Variants in ADGRL3 observed in about 807,000 individuals in gnomAD.
ADGRL3 encodes calcium-independent alpha-latrotoxin receptor 3.
ADGRL3 carries 62 observed loss-of-function variants against 153.5 expected under a neutral mutation model. The observed-to-expected ratio is 0.40, with a 90% CI of 0.33 to 0.50. ADGRL3 has a LOEUF of 0.50. ADGRL3 is among the 20% of genes least tolerant of loss of function. ADGRL3 has a pLI of 0.47. For missense variants in ADGRL3, 1,641 were observed against 1,859.4 expected (o/e 0.88, Z 2.16); for synonymous variants, 710 against 672.5 (o/e 1.06, Z -0.86).
At chr4:61,714,180 TTTG>T (rs765100070) in intron 6 of ADGRL3, among the ~76,000 whole-genome samples, 3 of 149,318 alleles carry the variant, frequency 2.0e-5, no homozygotes, top group Middle Eastern at 3.3e-3. Flanking sequence ...AAAAAGTTCT[TTTG>T]TTGTTGGAGA....
At chr4:61,751,846 T>C (rs990503170) in intron 8 of ADGRL3, among the ~76,000 whole-genome samples, 3 of 151,968 alleles carry the variant, frequency 2.0e-5, no homozygotes. Flanking sequence ...ATGGTGGAAA[T>C]GGTGAAAAGT....
intron 4 of ADGRL3, among the ~76,000 whole-genome samples, chr4:61,566,434 C>T (rs2098816546): frequency 6.6e-6 from 1 of 152,042 alleles, no homozygotes. Context: ...AATATAGAAA[C>T]TTGGAGGGAG....
intron 1 of ADGRL3, among the ~76,000 whole-genome samples, chr4:61,350,505 T>C (rs1418446566): frequency 6.6e-6 from 1 of 152,158 alleles, no homozygotes; most frequent in African/African-American, 2.4e-5. Flanking sequence ...ACTTCACAGA[T>C]ACCATGATTT....
intron 4 of ADGRL3, among the ~76,000 whole-genome samples, chr4:61,527,746 CT>C (rs1189755987): frequency 2.6e-5 from 4 of 152,216 alleles, no homozygotes; most frequent in East Asian, 1.9e-4. Context: ...AATGTATTCA[CT>C]TTTTTTCCAT....
intron 9 of ADGRL3, among the ~76,000 whole-genome samples, chr4:61,882,741 A>C (rs2122644): frequency 0.84 from 127,040 of 152,124 alleles, 53,196 homozygotes; most frequent in East Asian, 0.95. Flanking sequence ...AAGTTATTTA[A>C]CTCCCTCACT....
chr4:61,636,447 G>A (rs1222068881), intron 5 of ADGRL3, among the ~76,000 whole-genome samples: 1 of 152,092 alleles, frequency 6.6e-6, no homozygotes, highest in Non-Finnish European at 1.5e-5. Context: ...GGAGATAATG[G>A]AATAACATAT....
intron 8 of ADGRL3, among the ~76,000 whole-genome samples, chr4:61,808,886 G>A (rs1333568537): frequency 6.6e-6 from 1 of 151,434 alleles, no homozygotes; most frequent in African/African-American, 2.4e-5. Context: ...GTATGGTGTG[G>A]GTTCCCTCTT....
intron 6 of ADGRL3, among the ~76,000 whole-genome samples, chr4:61,723,363 G>A (rs1049268683): frequency 1.3e-5 from 2 of 152,060 alleles, no homozygotes; most frequent in African/African-American, 2.4e-5. Flanking sequence ...TTAATGACAC[G>A]GACACACGTG....
chr4:62,027,613 C>G (rs1290515958), intron 21 of ADGRL3, among the ~76,000 whole-genome samples: 1 of 151,872 alleles, frequency 6.6e-6, no homozygotes, highest in Non-Finnish European at 1.5e-5. Context: ...AATAAATTTA[C>G]TTACTCAACA....
chr4:61,389,035 CT>C (rs2151982012), intron 2 of ADGRL3, among the ~76,000 whole-genome samples: 1 of 152,252 alleles, frequency 6.6e-6, no homozygotes, highest in Admixed American at 6.5e-5. Flanking sequence ...TTATAGCATC[CT>C]TTTAATTTCT....
chr4:62,014,584 T>C (rs1420754768), intron 21 of ADGRL3, among the ~76,000 whole-genome samples: 1 of 152,180 alleles, frequency 6.6e-6, no homozygotes, highest in African/African-American at 2.4e-5. Flanking sequence ...TCATTAGCAA[T>C]AGAAAAGCCC....
chr4:61,627,385 G>A lies in ADGRL3; in HGVS notation c.473+39945G>A, dbSNP rs373445773. On this transcript the variant is annotated intron_variant, in intron 5 of 26. Coordinates refer to ENST00000683033, the MANE Select transcript of ADGRL3 (RefSeq NM_001387552.1). The stretch of plus-strand genomic sequence containing the variant: ...TCCCAACATTTTGGGAGGCAGAGGT[G>A]GGCGGATCACCTGAGGTCAGGAGTC... 3.3e-5 allele frequency among the ~76,000 whole-genome samples: 5 copies of A among 152,228 alleles called. No individual in the cohort carries two copies. In the South Asian group the frequency reaches 8.3e-4, roughly 25 times the overall value.
At chr4:61,422,763 G>A (rs759312591) in intron 2 of ADGRL3, among the ~76,000 whole-genome samples, 1 of 151,638 alleles carries the variant, frequency 6.6e-6, no homozygotes, top group Non-Finnish European at 1.5e-5. Flanking sequence ...AATTAATTAT[G>A]TGATTTGATT....
At chr4:61,979,493 C>A in intron 17 of ADGRL3, 70 bp from the exon 18 acceptor site, 1 of 1,224,074 alleles carries the variant, frequency 8.2e-7, no homozygotes, top group Non-Finnish European at 1.2e-6. Flanking sequence ...TTTGTGCATC[C>A]AGGCCCTTAT....
intron 4 of ADGRL3, among the ~76,000 whole-genome samples, chr4:61,569,087 G>A (rs2098828082): frequency 6.6e-6 from 1 of 151,976 alleles, no homozygotes; most frequent in African/African-American, 2.4e-5. Context: ...GGTGGGAGTG[G>A]GGCCGGAGAT....
chr4:61,869,961 AGAGAGAGAG>A (rs1456825471), intron 9 of ADGRL3, among the ~76,000 whole-genome samples: 28 of 93,876 alleles, frequency 3.0e-4, no homozygotes, highest in African/African-American at 6.5e-4. Context: ...AAAAAAAAAA[AGAGAGAGAG>A]AGAGAAAGAG....
rs2096467554 is a variant in ADGRL3 at position 61,733,459 on chromosome 4, T to A, written c.1304T>A (p.Val435Glu). ...FPNSYQYIAA[V>E]DYNPRDNLLY... Reference sequence around the variant, plus strand: ...AATTCATACCAGTACATTGCAGCTGTGGATTACAACCCCAGGGACAACCTA... The same window carrying A: ...AATTCATACCAGTACATTGCAGCTGAGGATTACAACCCCAGGGACAACCTA... Residue 435 changes from valine to glutamate, a missense_variant, in exon 8 of 27, where the codon GTG becomes GAG. Coordinates refer to ENST00000683033, the MANE Select transcript of ADGRL3 (RefSeq NM_001387552.1). The A allele has an allele frequency of 6.2e-7, 1 of 1,613,544 alleles. No homozygotes were observed. The highest frequency in any genetic ancestry group is 8.5e-7 in the Non-Finnish European group (1 of 1,179,740).
At chr4:61,701,495 T>C (rs2095758930) in intron 6 of ADGRL3, among the ~76,000 whole-genome samples, 1 of 145,476 alleles carries the variant, frequency 6.9e-6, no homozygotes, top group Non-Finnish European at 1.5e-5. Context: ...AGTGCAATGA[T>C]GCAATCTTGG....
chr4:61,356,882 G>A (rs1007188855), intron 1 of ADGRL3, among the ~76,000 whole-genome samples: 10 of 152,034 alleles, frequency 6.6e-5, no homozygotes, highest in South Asian at 2.1e-4. Flanking sequence ...AAAACATCAG[G>A]CACTTTTTCC....
Sources: gnomAD v4.1 joint callset for allele counts (sites outside exome capture counted in the v4.1 genomes callset) on GRCh38, gnomAD v4.1.1 for gene constraint, MANE v1.5 for transcripts, NCBI Gene and HGNC (gene_info 2026-07-23, HGNC 2026-07-21) for gene names.